PLCB1: variants seen among roughly 807,000 people sequenced by gnomAD.
PLCB1 encodes the protein 1-phosphatidylinositol 4,5-bisphosphate phosphodiesterase beta-1.
A neutral mutation model predicts 161.8 loss-of-function variants in PLCB1; 46 were observed. The observed-to-expected ratio is 0.28, with a 90% CI of 0.22 to 0.36. The LOEUF is 0.36. Among genes scored for constraint, PLCB1 ranks in the 10% least tolerant of loss-of-function variants. The pLI, the probability that PLCB1 is intolerant of heterozygous loss-of-function variation, is 1.00. For synonymous variants in PLCB1, 517 were observed against 503.7 expected (o/e 1.03, Z -0.35); for missense variants, 1,016 against 1,472.5 (o/e 0.69, Z 5.07).
At chr20:8,413,442 A>G (rs1194783822) in intron 3 of PLCB1, among the ~76,000 whole-genome samples, 2 of 152,216 alleles carry the variant, frequency 1.3e-5, no homozygotes, top group Non-Finnish European at 2.9e-5. Flanking sequence ...TCAAGTTGTC[A>G]GTGCAAGTAA....
At chr20:8,182,874 C>A (rs550901647) in intron 2 of PLCB1, among the ~76,000 whole-genome samples, 2 of 152,088 alleles carry the variant, frequency 1.3e-5, no homozygotes, top group Non-Finnish European at 2.9e-5. Context: ...AGCCACCGTG[C>A]CTGGCTGCAC....
intron 31 of PLCB1, among the ~76,000 whole-genome samples, chr20:8,838,952 G>A (rs1238495950): frequency 1.3e-5 from 2 of 152,176 alleles, no homozygotes; most frequent in South Asian, 2.1e-4. Context: ...GCTTTCAGCT[G>A]TCAAGGCCAG....
chr20:8,612,738 A>C (rs1794470510), intron 3 of PLCB1, among the ~76,000 whole-genome samples: 1 of 152,164 alleles, frequency 6.6e-6, no homozygotes, highest in Non-Finnish European at 1.5e-5. Context: ...CATTACACAA[A>C]AATGGAACTA....
At chr20:8,397,540 C>T (rs1015298256) in intron 3 of PLCB1, among the ~76,000 whole-genome samples, 2 of 152,080 alleles carry the variant, frequency 1.3e-5, no homozygotes, top group African/African-American at 4.8e-5. Context: ...TTCTGGTTTT[C>T]CTTACCATGT....
chr20:8,700,709 C>T (rs1990682663), intron 11 of PLCB1, among the ~76,000 whole-genome samples: 1 of 152,176 alleles, frequency 6.6e-6, no homozygotes, highest in Admixed American at 6.5e-5. Context: ...GCTATTCCTC[C>T]TGCTAATGCA....
intron 2 of PLCB1, among the ~76,000 whole-genome samples, chr20:8,172,357 T>C (rs933180839): frequency 6.6e-6 from 1 of 152,090 alleles, no homozygotes; most frequent in Admixed American, 6.6e-5. Context: ...ATAAGCCATG[T>C]GGTTGGTTAT....
At position 8,387,644 on chromosome 20, in the gene PLCB1, C is replaced by T. The variant is rs114525455; in HGVS notation, c.246+16194C>T. 4.3e-3 allele frequency among the ~76,000 whole-genome samples: 653 copies of T among 152,240 alleles called. 6 individuals carry two copies. Among genetic ancestry groups the T allele is most frequent in the African/African-American group, 0.015 (607 of 41,546 alleles). On this transcript the variant is annotated intron_variant, in intron 3 of 31. Coordinates refer to ENST00000338037, the MANE Select transcript of PLCB1 (RefSeq NM_015192.4). ...AACAGACTTGCTGGACTCAGGAATG[C>T]CACAAACCTTCAATTTGTAAAAACA...
intron 3 of PLCB1, among the ~76,000 whole-genome samples, chr20:8,384,418 C>T (rs1207485426): frequency 6.6e-6 from 1 of 151,976 alleles, no homozygotes; most frequent in African/African-American, 2.4e-5. Flanking sequence ...GTTAGCAGCT[C>T]CTCTAACCTT....
intron 2 of PLCB1, among the ~76,000 whole-genome samples, chr20:8,337,209 G>A (rs1314020934): frequency 6.6e-6 from 1 of 152,158 alleles, no homozygotes; most frequent in Admixed American, 6.5e-5. Flanking sequence ...GTAGACTTAT[G>A]GAATAGGCAT....
At chr20:8,522,722 C>T (rs540493398) in intron 3 of PLCB1, among the ~76,000 whole-genome samples, 1 of 152,182 alleles carries the variant, frequency 6.6e-6, no homozygotes, top group East Asian at 1.9e-4. Flanking sequence ...GTCTTAATTA[C>T]AATAAATATA....
At chr20:8,246,522 A>G (rs978131352) in intron 2 of PLCB1, among the ~76,000 whole-genome samples, 5 of 151,992 alleles carry the variant, frequency 3.3e-5, no homozygotes, top group African/African-American at 1.2e-4. Context: ...TTTCTGTTAA[A>G]GCAAGTCACA....
At chr20:8,856,989 A>G (rs574542094) in intron 31 of PLCB1, among the ~76,000 whole-genome samples, 1 of 152,194 alleles carries the variant, frequency 6.6e-6, no homozygotes, top group Non-Finnish European at 1.5e-5. Flanking sequence ...TCAACTGAGC[A>G]TGAGGTGGAC....
At chr20:8,706,185 G>A (rs1735467875) in intron 11 of PLCB1, among the ~76,000 whole-genome samples, 1 of 152,232 alleles carries the variant, frequency 6.6e-6, no homozygotes, top group Admixed American at 6.5e-5. Flanking sequence ...ACTCATGGGA[G>A]AAGAGAAAGA....
chr20:8,614,584 CTGTGTGTGTGTGTGTG>C (rs71331317), intron 3 of PLCB1, among the ~76,000 whole-genome samples: 23 of 147,118 alleles, frequency 1.6e-4, no homozygotes, highest in South Asian at 4.4e-4. Flanking sequence ...ATGTAAAATT[CTGTGTGTGTGTGTGTG>C]TGTGTGTGTG....
intron 2 of PLCB1, among the ~76,000 whole-genome samples, chr20:8,210,801 C>T (rs1378626332): frequency 3.3e-5 from 5 of 152,072 alleles, no homozygotes; most frequent in African/African-American, 1.2e-4. Context: ...GATTTCATTT[C>T]TTAGTTCAAG....
chr20:8,591,512 T>C (rs557940673), intron 3 of PLCB1, among the ~76,000 whole-genome samples: 1 of 152,336 alleles, frequency 6.6e-6, no homozygotes, highest in Non-Finnish European at 1.5e-5. Context: ...GAAAACTGAC[T>C]TCCTATGGTA....
At chr20:8,133,839 C>T (rs2051317015) in intron 1 of PLCB1, among the ~76,000 whole-genome samples, 1 of 152,118 alleles carries the variant, frequency 6.6e-6, no homozygotes, top group African/African-American at 2.4e-5. Flanking sequence ...TTCTTCTTGC[C>T]GAAAAGATTT....
At chr20:8,177,902 G>T (rs1266335027) in intron 2 of PLCB1, among the ~76,000 whole-genome samples, 1 of 152,088 alleles carries the variant, frequency 6.6e-6, no homozygotes, top group Non-Finnish European at 1.5e-5. Context: ...ACAGAAATGT[G>T]TACTCAATGT....
intron 23 of PLCB1, among the ~76,000 whole-genome samples, chr20:8,754,375 G>C (rs1981633195): frequency 7.3e-6 from 1 of 137,756 alleles, no homozygotes; most frequent in African/African-American, 2.7e-5. Context: ...AACACCTCAA[G>C]ACACTAATTT....
Sources: allele counts gnomAD v4.1 joint callset (sites outside exome capture counted in the v4.1 genomes callset), GRCh38; gene constraint gnomAD v4.1.1; transcripts MANE v1.5; gene names NCBI Gene and HGNC (gene_info 2026-07-23, HGNC 2026-07-21).